KIRREL3: variants seen among roughly 807,000 people sequenced by gnomAD.
KIRREL3 encodes the protein kirre like nephrin family adhesion molecule 3.
Under a neutral mutation model 89.7 loss-of-function variants are expected in KIRREL3, and 36 were observed. The observed-to-expected ratio is 0.40, with a 90% CI of 0.31 to 0.53. The LOEUF (loss-of-function observed/expected upper bound fraction) is 0.53, where lower values mean the gene tolerates loss of function less well. Ranked by LOEUF, KIRREL3 falls within the 20% of genes least tolerant of loss-of-function variation. KIRREL3 has a pLI of 0.49. For missense variants in KIRREL3, 864 were observed against 1,056.6 expected, an observed-to-expected ratio of 0.82 and a Z score of 2.53; for synonymous variants, 445 against 441.4, an observed-to-expected ratio of 1.01 and a Z score of -0.10.
rs923425104 is a variant in KIRREL3, at chr11:126,624,903, A to C, written c.56-61991T>G. Among the ~76,000 whole-genome samples the C allele has an allele frequency of 2.0e-5, 3 of 152,082 alleles. No individual in the cohort carries two copies. The highest frequency in any genetic ancestry group is 2.9e-5 in the Non-Finnish European group (2 of 68,008). On this transcript the variant is annotated intron_variant, in intron 1 of 16. Transcript: ENST00000525144. The surrounding 1 kb of genome is among the most constrained non-coding windows in gnomAD (Gnocchi z 6.0). ...ACCTACCATCAGTAAGGATGGTGGA[A>C]ATTGGGGTGGGGCAGGGACTGCTGA...
At chr11:126,444,668 C>T (rs548055011) in intron 10 of KIRREL3, among the ~76,000 whole-genome samples, 2 of 152,306 alleles carry the variant, frequency 1.3e-5, no homozygotes, top group South Asian at 2.1e-4. Context: ...ACACGTTGGC[C>T]ACCTAGTGAC....
At chr11:126,911,473 C>T (rs1209187506) in intron 1 of KIRREL3, among the ~76,000 whole-genome samples, 2 of 152,168 alleles carry the variant, frequency 1.3e-5, no homozygotes, top group Non-Finnish European at 2.9e-5. Context: ...GCTGCCCAGC[C>T]ATTAAATCAC....
chr11:126,467,092 G>A (rs565336139), intron 5 of KIRREL3, among the ~76,000 whole-genome samples: 3 of 152,342 alleles, frequency 2.0e-5, no homozygotes, highest in East Asian at 3.9e-4. Context: ...GGGAACGAGC[G>A]TGCCAGGGCA....
rs760672907 is a variant in KIRREL3, at chr11:126,607,433, C to T, written c.56-44521G>A. ...GGAAGGAGAGATCCACATCTGGCTC[C>T]GAGCTGACTCTCGGTGACCATGACC... On this transcript the variant is annotated intron_variant, in intron 1 of 16. Transcript: ENST00000525144. The surrounding 1 kb of genome is among the most constrained non-coding windows in gnomAD (Gnocchi z 6.6). Among the ~76,000 whole-genome samples the T allele has an allele frequency of 3.9e-5, 6 of 152,042 alleles. No homozygotes were observed. The highest frequency in any genetic ancestry group is 2.1e-4 in the South Asian group (1 of 4,800).
In KIRREL3 at chr11:126,530,755, G is replaced by A. The variant is rs1044383788; in HGVS notation, c.134-4068C>T. 3.9e-5 allele frequency among the ~76,000 whole-genome samples: 6 copies of A among 152,134 alleles called. No homozygotes were observed. The highest frequency in any genetic ancestry group is 1.4e-4 in the African/African-American group (6 of 41,444). ...CCAGGGTTTCCATCTTCTCCGCTTC[G>A]CATTTTCCCTGATGATGTTCCCCTG... is the stretch of plus-strand genomic sequence containing the variant. On this transcript the variant is annotated intron_variant, in intron 2 of 16. Coordinates refer to ENST00000525144, the MANE Select transcript of KIRREL3 (RefSeq NM_032531.4). This position sits in a 1 kb window ranked among gnomAD's most constrained non-coding sequence, Gnocchi z 5.8.
chr11:126,831,501 C>A (rs924302835), intron 1 of KIRREL3, among the ~76,000 whole-genome samples: 4 of 151,798 alleles, frequency 2.6e-5, no homozygotes, highest in Non-Finnish European at 5.9e-5. Flanking sequence ...ATCAGGTAAA[C>A]CTTGCCCTGA....
At chr11:126,852,226 G>T (rs1592224571) in intron 1 of KIRREL3, among the ~76,000 whole-genome samples, 1 of 151,968 alleles carries the variant, frequency 6.6e-6, no homozygotes, top group East Asian at 1.9e-4. Flanking sequence ...GCTAATGTTT[G>T]TATTTTTAGT....
rs2134472465 is a variant in KIRREL3 at position 126,535,876 on chromosome 11, T to C, written c.134-9189A>G. 6.6e-6 allele frequency among the ~76,000 whole-genome samples: 1 copy of C among 152,274 alleles called. No homozygotes were observed. The highest frequency in any genetic ancestry group is 6.5e-5 in the Admixed American group (1 of 15,292). On this transcript the variant is annotated intron_variant, in intron 2 of 16. Transcript: ENST00000525144. This position sits in a 1 kb window ranked among gnomAD's most constrained non-coding sequence, Gnocchi z 4.5. ...GGTGCGTGCCTGTAATCCCAGCTAC[T>C]CAGGAGGCTGAGCCAGGAGAATCCA...
At chr11:126,863,433 G>C (rs1944782936) in intron 1 of KIRREL3, among the ~76,000 whole-genome samples, 1 of 146,938 alleles carries the variant, frequency 6.8e-6, no homozygotes, top group African/African-American at 2.5e-5. Flanking sequence ...ATGTGTGTGA[G>C]TGCGTGTGTG....
intron 1 of KIRREL3, among the ~76,000 whole-genome samples, chr11:126,581,168 G>T (rs1241310150): frequency 6.6e-6 from 1 of 152,074 alleles, no homozygotes; most frequent in Non-Finnish European, 1.5e-5. Flanking sequence ...ATATAATTTT[G>T]CTATAGTTAG....
rs909726485 is a variant in KIRREL3, at chr11:126,908,810, C to T, written c.55+91645G>A. On this transcript the variant is annotated intron_variant, in intron 1 of 16. Coordinates refer to ENST00000525144, the MANE Select transcript of KIRREL3 (RefSeq NM_032531.4). This position sits in a 1 kb window ranked among gnomAD's most constrained non-coding sequence, Gnocchi z 4.2. ...ACTCAGGCAAATATATGCAGTCATC[C>T]CTCGTTATTCAAGGAGGATTGGTTC... Among the ~76,000 whole-genome samples the T allele has an allele frequency of 1.2e-4, 18 of 152,028 alleles. No homozygotes were observed. Among genetic ancestry groups the T allele is most frequent in the African/African-American group, 4.3e-4 (18 of 41,390 alleles).
At chr11:126,881,314 G>C (rs536646748) in intron 1 of KIRREL3, among the ~76,000 whole-genome samples, 1 of 152,052 alleles carries the variant, frequency 6.6e-6, no homozygotes, top group African/African-American at 2.4e-5. Context: ...CTCTCCCCAC[G>C]TTCCTTCAGA....
chr11:126,960,684 A>G (rs1949058784), intron 1 of KIRREL3, among the ~76,000 whole-genome samples: 1 of 152,152 alleles, frequency 6.6e-6, no homozygotes, highest in Non-Finnish European at 1.5e-5. Flanking sequence ...TGTAGATCTT[A>G]CTTTTGAAGA....
At chr11:126,767,841 G>A (rs1348099207) in intron 1 of KIRREL3, among the ~76,000 whole-genome samples, 1 of 152,166 alleles carries the variant, frequency 6.6e-6, no homozygotes, top group Non-Finnish European at 1.5e-5. Context: ...AATGCTATGT[G>A]GCTGACAATT....
chr11:126,833,544 A>G (rs1943680957), intron 1 of KIRREL3, among the ~76,000 whole-genome samples: 1 of 152,236 alleles, frequency 6.6e-6, no homozygotes, highest in South Asian at 2.1e-4. Context: ...CTCCCTTTGG[A>G]GAGCCAGGGA....
intron 4 of KIRREL3, among the ~76,000 whole-genome samples, chr11:126,499,568 CT>C (rs1957787491): frequency 6.6e-6 from 1 of 152,234 alleles, no homozygotes; most frequent in Admixed American, 6.5e-5. Context: ...GAGCCCCAAC[CT>C]GTTGACTGGG....
chr11:126,464,154 A>T (rs1402781420), intron 5 of KIRREL3, among the ~76,000 whole-genome samples: 2 of 152,116 alleles, frequency 1.3e-5, no homozygotes, highest in African/African-American at 4.8e-5. Context: ...GGCTCTTGAG[A>T]TGAGGTCATA....
Position 126,455,242 on chromosome 11 carries a change from G to T in KIRREL3, c.848+1107C>A, listed in dbSNP as rs1956299264. 6.6e-6 allele frequency among the ~76,000 whole-genome samples: 1 copy of T among 152,226 alleles called. No individual in the cohort carries two copies. The highest frequency in any genetic ancestry group is 2.1e-4 in the South Asian group (1 of 4,830). On this transcript the variant is annotated intron_variant, in intron 7 of 16. Transcript: ENST00000525144. This position sits in a 1 kb window ranked among gnomAD's most constrained non-coding sequence, Gnocchi z 6.4. ...TCAGGGCCATGGCAAGTTCCACGTG[G>T]CACCCAAAAGGAGGTGAGTCTGCCC... is the stretch of plus-strand genomic sequence containing the variant.
chr11:126,629,210 G>C, intron 1 of KIRREL3, among the ~76,000 whole-genome samples: 1 of 152,274 alleles, frequency 6.6e-6, no homozygotes, highest in Middle Eastern at 3.4e-3. Flanking sequence ...CTTCAGCTGG[G>C]CGCGCTGTGT....
Sources: allele counts gnomAD v4.1 joint callset (sites outside exome capture counted in the v4.1 genomes callset), GRCh38; gene constraint gnomAD v4.1.1; non-coding constraint Gnocchi (gnomAD v3.1); transcripts MANE v1.5; gene names NCBI Gene and HGNC (gene_info 2026-07-23, HGNC 2026-07-21).